Variants in OSCP1 observed in about 807,000 individuals in gnomAD.
OSCP1 encodes the protein protein OSCP1.
In OSCP1, 35 loss-of-function variants were observed where a neutral mutation model predicts 45.1. That is an observed-to-expected ratio of 0.78 (90% CI 0.59 to 1.03). The LOEUF (loss-of-function observed/expected upper bound fraction) is 1.03, where lower values mean the gene tolerates loss of function less well. Ranked by LOEUF, OSCP1 falls within the 50% of genes least tolerant of loss-of-function variation. The pLI is 0.00. For synonymous variants in OSCP1, 179 were observed against 180.1 expected (o/e 0.99, Z 0.05); for missense variants, 400 against 470.7 (o/e 0.85, Z 1.39).
rs1365333292 is a variant in OSCP1, at chr1:36,447,883, A to C, written c.112+2375T>G. On this transcript the variant is annotated intron_variant, in intron 1 of 9. Transcript: ENST00000235532. This position sits in a 1 kb window ranked among gnomAD's most constrained non-coding sequence, Gnocchi z 4.1. ...CTCACATAGTGTTTGACACTCAGTCAAAATCTGTGGAATGAATGAGTGTGC... is the reference window on the plus strand; with the variant it reads ...CTCACATAGTGTTTGACACTCAGTCCAAATCTGTGGAATGAATGAGTGTGC... 2 of 453,924 alleles carry C rather than the reference A, an allele frequency of 4.4e-6. No homozygotes were observed. The highest frequency in any genetic ancestry group is 8.9e-6 in the Non-Finnish European group (2 of 225,254). The allele number at this position is 453,924 out of a possible 1,614,324, so 28.1% of individuals were successfully genotyped here.
At position 36,418,554 on chromosome 1, in the gene OSCP1, C is replaced by T. The variant is rs1647412607; in HGVS notation, c.1024-299G>A. The T allele has an allele frequency of 1.1e-5, 5 of 434,838 alleles. No homozygotes were observed. In the South Asian group the frequency reaches 1.3e-4, roughly 12 times the overall value. The allele number at this position is 434,838 out of a possible 1,614,324, so 26.9% of individuals were successfully genotyped here. ...GGAATGACAATACAGCACTTAACAG[C>T]TATATTGTAGTCTGAATCCTGCTTG... On this transcript the variant is annotated intron_variant, in intron 9 of 9. Transcript: ENST00000235532.
rs1407555305 is a variant in OSCP1, at chr1:36,432,425, T to C, written c.432A>G (p.Thr144=). Residue 144 remains threonine (T), a synonymous_variant, in exon 3 of 10, where the codon ACA becomes ACG. Transcript: ENST00000235532. ...GAGACACTGATGGCACTCTTACTTC[T>C]GTCAGCTGCCGCAAAGTCTCGTCCA... The part of the protein sequence containing the change: ...QQVDETLRQL[T]EIYGGLSAGE... 2 of 1,613,986 alleles carry C rather than the reference T, an allele frequency of 1.2e-6. No homozygotes were observed. Among genetic ancestry groups the C allele is most frequent in the Non-Finnish European group, 8.5e-7 (1 of 1,179,938 alleles).
In OSCP1 at chr1:36,438,921, AAG is replaced by A; in HGVS notation, c.113-13_113-12del. 1 of 1,612,904 alleles carries A rather than the reference AAG, an allele frequency of 6.2e-7. No individual in the cohort carries two copies. The highest frequency in any genetic ancestry group is 8.5e-7 in the Non-Finnish European group (1 of 1,179,468). ...TGATGTCATTCAGAACTGCAGAGAC[AAG>A]AGAGAACACAGCTGAGCAAAGTACT... On this transcript the variant is annotated splice_polypyrimidine_tract_variant and intron_variant, in intron 1 of 9. Transcript: ENST00000235532.
intron 1 of OSCP1, among the ~76,000 whole-genome samples, chr1:36,445,584 A>G (rs1649469740): frequency 6.6e-6 from 1 of 152,228 alleles, no homozygotes; most frequent in South Asian, 2.1e-4. Context: ...GGGAAAATTC[A>G]CCATCTTCCC....
intron 4 of OSCP1, among the ~76,000 whole-genome samples, chr1:36,427,138 T>A (rs80151308): frequency 1.3e-5 from 2 of 151,604 alleles, no homozygotes; most frequent in East Asian, 3.9e-4. Flanking sequence ...GTAGCTGGGA[T>A]TACAGGCGCC....
intron 2 of OSCP1, among the ~76,000 whole-genome samples, chr1:36,438,508 A>G (rs973618187): frequency 3.3e-5 from 5 of 152,074 alleles, no homozygotes; most frequent in Non-Finnish European, 7.4e-5. Flanking sequence ...AAAAACACCC[A>G]AAACAAATCA....
chr1:36,439,818 A>G (rs1649011753), intron 1 of OSCP1, among the ~76,000 whole-genome samples: 2 of 152,244 alleles, frequency 1.3e-5, no homozygotes, highest in Non-Finnish European at 2.9e-5. Flanking sequence ...CTGGTGAGAA[A>G]GAAGTGTACA....
Position 36,433,922 on chromosome 1 carries a change from G to GA in OSCP1, c.268-1334dup, listed in dbSNP as rs568006219. ...TGGAGCAATCCAGACTTAAGGCCTG[G>GA]AAAAAAGATAGTGGGAACGGAGAAG... is the stretch of plus-strand genomic sequence containing the variant. On this transcript the variant is annotated intron_variant, in intron 2 of 9. Transcript: ENST00000235532. Among the ~76,000 whole-genome samples, 555 of 152,308 alleles carry GA rather than the reference G, an allele frequency of 3.6e-3. 5 individuals are homozygous for GA. The highest frequency in any genetic ancestry group is 0.012 in the African/African-American group (506 of 41,560).
Position 36,447,413 on chromosome 1 carries a change from A to G in OSCP1, c.112+2845T>C, listed in dbSNP as rs1473587555. On this transcript the variant is annotated intron_variant, in intron 1 of 9. Transcript: ENST00000235532. The surrounding 1 kb of genome is among the most constrained non-coding windows in gnomAD (Gnocchi z 4.1). ...TACCAACCCCCACTAAGATTCTGAT[A>G]TAGTCCCCAAGGTATGGCAGCAGAG... Among the ~76,000 whole-genome samples, 2 of 152,222 alleles carry G rather than the reference A, an allele frequency of 1.3e-5. No homozygotes were observed. Among genetic ancestry groups the G allele is most frequent in the African/African-American group, 4.8e-5 (2 of 41,456 alleles).
chr1:36,444,992 T>C (rs1348715448), intron 1 of OSCP1, among the ~76,000 whole-genome samples: 1 of 152,182 alleles, frequency 6.6e-6, no homozygotes, highest in Non-Finnish European at 1.5e-5. Context: ...CCTTAATTTT[T>C]GATGGAGATT....
Position 36,418,189 on chromosome 1 carries a change from G to A in OSCP1, c.1090C>T (p.Leu364=), listed in dbSNP as rs752227395. 3.7e-6 allele frequency: 6 copies of A among 1,614,188 alleles called. No individual in the cohort carries two copies. Among genetic ancestry groups the A allele is most frequent in the Non-Finnish European group, 5.1e-6 (6 of 1,180,036 alleles). Reference sequence around the variant, plus strand: ...AAATCGTCCCCTTTGCTGGTGCTCAGCCTTGGCTGCTCCGTGATCTCAAAC... The same window carrying A: ...AAATCGTCCCCTTTGCTGGTGCTCAACCTTGGCTGCTCCGTGATCTCAAAC... The part of the protein sequence containing the change: ...GEFEITEQPR[L]STSKGDDLLA... The change falls in exon 10 of 10, where the codon CTG becomes TTG. Residue 364 remains leucine, a synonymous_variant. Coordinates refer to ENST00000235532, the MANE Select transcript of OSCP1 (RefSeq NM_145047.5).
chr1:36,438,563 A>G (rs1648912837), intron 2 of OSCP1, among the ~76,000 whole-genome samples, 193 bp downstream of exon 2: 1 of 152,192 alleles, frequency 6.6e-6, no homozygotes, highest in Non-Finnish European at 1.5e-5. Context: ...GGAATGTCAT[A>G]AACAACAGAG....
At chr1:36,426,002 TC>T (rs1234627377) in intron 4 of OSCP1, among the ~76,000 whole-genome samples, 1 of 152,072 alleles carries the variant, frequency 6.6e-6, no homozygotes, top group African/African-American at 2.4e-5. Flanking sequence ...TAGAGACACT[TC>T]AGAGATGGAG....
Position 36,447,730 on chromosome 1 carries a change from G to A in OSCP1, c.112+2528C>T. 1 of 257,600 alleles carries A rather than the reference G, an allele frequency of 3.9e-6. No homozygotes were observed. The allele number at this position is 257,600 out of a possible 1,614,324, so 16.0% of individuals were successfully genotyped here. A position where few individuals can be genotyped will look rare whatever the true frequency, so the allele number is the denominator to read the frequency against. ...GTTTAAGAGGAGCCCTTGGTACAAAGTAAGTGCTTGATTTTTCATTGTTTT... is the reference window on the plus strand; with the variant it reads ...GTTTAAGAGGAGCCCTTGGTACAAAATAAGTGCTTGATTTTTCATTGTTTT... On this transcript the variant is annotated intron_variant, in intron 1 of 9. Transcript: ENST00000235532. The surrounding 1 kb of genome is among the most constrained non-coding windows in gnomAD (Gnocchi z 4.1).
chr1:36,435,091 C>CT (rs201268337), intron 2 of OSCP1, among the ~76,000 whole-genome samples: 1,546 of 125,688 alleles, frequency 0.012, 21 homozygotes, highest in East Asian at 0.033. Flanking sequence ...TTTTCTTTTT[C>CT]TTTTTTTTTT....
At chr1:36,428,125 G>A (rs1176128898) in intron 4 of OSCP1, 1 of 374,764 alleles carries the variant, frequency 2.7e-6, no homozygotes, top group Non-Finnish European at 3.6e-6. Context: ...GGGAGGTGGA[G>A]GTTGCAGTGA....
chr1:36,434,574 A>AC lies in OSCP1; in HGVS notation c.268-1986dup, dbSNP rs1446589318. On this transcript the variant is annotated intron_variant, in intron 2 of 9. Transcript: ENST00000235532. ...AGACCAGCCTGGCCAACATGTTGAA[A>AC]CCCCATCTCTACTAAAAATACAAAA... Among the ~76,000 whole-genome samples the AC allele has an allele frequency of 3.3e-5, 5 of 152,018 alleles. No homozygotes were observed. The East Asian group carries it at 9.7e-4, about 29-fold the overall frequency.
At chr1:36,443,047 T>C (rs1056348961) in intron 1 of OSCP1, among the ~76,000 whole-genome samples, 15 of 152,182 alleles carry the variant, frequency 9.9e-5, no homozygotes, top group Middle Eastern at 3.2e-3. Context: ...CACTGCAACC[T>C]CTGCCTCCCA....
intron 1 of OSCP1, among the ~76,000 whole-genome samples, chr1:36,443,299 T>G (rs1649311998): frequency 6.6e-6 from 1 of 152,176 alleles, no homozygotes. Context: ...CCCAGCATAC[T>G]TGGTGTGGTG....
Sources: allele counts gnomAD v4.1 joint callset (sites outside exome capture counted in the v4.1 genomes callset), GRCh38; gene constraint gnomAD v4.1.1; non-coding constraint Gnocchi (gnomAD v3.1); transcripts MANE v1.5; gene names NCBI Gene and HGNC (gene_info 2026-07-23, HGNC 2026-07-21).